CEP120: variants seen among roughly 807,000 people sequenced by gnomAD.
CEP120 encodes the protein centrosomal protein of 120 kDa.
CEP120 carries 113 observed loss-of-function variants against 126.5 expected under a neutral mutation model. The ratio of observed to expected loss-of-function variants is 0.89; its 90% CI spans 0.77 to 1.04. The LOEUF (loss-of-function observed/expected upper bound fraction) is 1.04, where lower values mean the gene tolerates loss of function less well. Among genes scored for constraint, CEP120 ranks in the 50% least tolerant of loss-of-function variants. The probability of loss-of-function intolerance (pLI) is 0.00; values close to 1 mark genes in which losing one functional copy is unlikely to be tolerated. For missense variants in CEP120, 1,230 were observed against 1,155.7 expected (o/e 1.06, Z -0.93); for synonymous variants, 400 against 394.3 (o/e 1.01, Z -0.17).
chr5:123,368,238 A>C (rs1269407911), intron 17 of CEP120, among the ~76,000 whole-genome samples: 1 of 151,974 alleles, frequency 6.6e-6, no homozygotes, highest in Non-Finnish European at 1.5e-5. Flanking sequence ...GGGATGAATA[A>C]GATAACACCT....
intron 18 of CEP120, 61 bp downstream of exon 18, chr5:123,364,435 T>A (rs902785916): frequency 1.8e-6 from 2 of 1,104,818 alleles, no homozygotes; most frequent in African/African-American, 3.2e-5. Context: ...TTGCCAAACA[T>A]ACGAATTTGC....
Position 123,393,504 on chromosome 5 carries a change from A to T in CEP120, c.613-7T>A. 6.2e-7 allele frequency: 1 copy of T among 1,610,168 alleles called. No homozygotes were observed. Among genetic ancestry groups the T allele is most frequent in the Non-Finnish European group, 8.5e-7 (1 of 1,176,936 alleles). ...TCATGGTACATGGAATTAACTAAACATTTCAGGAAAAAGAAAACAGTTATT... is the reference window on the plus strand; with the variant it reads ...TCATGGTACATGGAATTAACTAAACTTTTCAGGAAAAAGAAAACAGTTATT... On this transcript the variant is annotated splice_polypyrimidine_tract_variant and splice_region_variant and intron_variant, in intron 5 of 19. Coordinates refer to ENST00000306467, the MANE Select transcript of CEP120 (RefSeq NM_001375405.1).
intron 14 of CEP120, among the ~76,000 whole-genome samples, chr5:123,381,171 G>A (rs1290916696): frequency 1.3e-5 from 2 of 152,066 alleles, no homozygotes; most frequent in African/African-American, 4.8e-5. Flanking sequence ...TTGGGCAACA[G>A]GCAGCACAGG....
chr5:123,401,289 T>C (rs1580718813), intron 4 of CEP120: 7 of 1,608,164 alleles, frequency 4.4e-6, no homozygotes, highest in South Asian at 3.3e-5. Context: ...CTCGACAACT[T>C]GGCGTTAGCA....
At position 123,399,294 on chromosome 5, in the gene CEP120, G is replaced by C. The variant is rs1421202180; in HGVS notation, c.464-10C>G. On this transcript the variant is annotated splice_polypyrimidine_tract_variant and intron_variant, in intron 4 of 19. Coordinates refer to ENST00000306467, the MANE Select transcript of CEP120 (RefSeq NM_001375405.1). ...GCCAGGATGGCAGGTACTTTACAGA[G>C]AAAAACACGATTAAACTACATTGTA... is the stretch of plus-strand genomic sequence containing the variant. 1.2e-6 allele frequency: 2 copies of C among 1,612,092 alleles called. No individual in the cohort carries two copies. Among genetic ancestry groups the C allele is most frequent in the Non-Finnish European group, 1.7e-6 (2 of 1,179,002 alleles).
At chr5:123,406,176 G>A (rs1407286325) in intron 4 of CEP120, among the ~76,000 whole-genome samples, 1 of 70,710 alleles carries the variant, frequency 1.4e-5, no homozygotes, top group Non-Finnish European at 3.0e-5. Context: ...AAAAGACTGG[G>A]GGAAAAAAAA....
chr5:123,420,563 A>G (rs1774650874), intron 1 of CEP120, among the ~76,000 whole-genome samples: 1 of 152,208 alleles, frequency 6.6e-6, no homozygotes, highest in Admixed American at 6.5e-5. Flanking sequence ...GGTCTACCAC[A>G]AAGGGCCATG....
intron 19 of CEP120, among the ~76,000 whole-genome samples, chr5:123,348,054 G>A (rs187009069): frequency 1.4e-3 from 209 of 152,184 alleles, no homozygotes; most frequent in African/African-American, 4.6e-3. Context: ...TTCCATGAAC[G>A]TCCCTAACTG....
At chr5:123,371,563 G>A (rs1430760415) in intron 17 of CEP120, among the ~76,000 whole-genome samples, 1 of 152,026 alleles carries the variant, frequency 6.6e-6, no homozygotes, top group Non-Finnish European at 1.5e-5. Flanking sequence ...CTATATCAGT[G>A]CCCAAAGGAA....
At chr5:123,365,151 T>C (rs1358171658) in intron 17 of CEP120, among the ~76,000 whole-genome samples, 1 of 151,738 alleles carries the variant, frequency 6.6e-6, no homozygotes, top group Non-Finnish European at 1.5e-5. Flanking sequence ...ATTTTAAGAA[T>C]GTTAACATAA....
In CEP120 at chr5:123,418,443, G is replaced by A; in HGVS notation, c.122C>T (p.Thr41Ile). The change falls in exon 2 of 20, where the codon ACT (threonine) becomes ATT (isoleucine). Residue 41 changes from threonine (T) to isoleucine (I), a missense_variant. Thr to Ile is a moderately conservative substitution (Grantham distance 89). Transcript: ENST00000306467. ...CTGGTCAGTGTGGTCCACAGGATCAGTAGCCAACTGTTCTCCATCAAACTT... is the reference window on the plus strand; with the variant it reads ...CTGGTCAGTGTGGTCCACAGGATCAATAGCCAACTGTTCTCCATCAAACTT... ...EAKFDGEQLA[T>I]DPVDHTDQPE... is the part of the protein sequence containing the mutation. The A allele has an allele frequency of 2.5e-6, 4 of 1,612,768 alleles. No individual in the cohort carries two copies. The highest frequency in any genetic ancestry group is 3.4e-6 in the Non-Finnish European group (4 of 1,178,990).
intron 15 of CEP120, 129 bp downstream of exon 15, chr5:123,378,205 ATT>A (rs1771373825): frequency 1.2e-5 from 7 of 600,162 alleles, no homozygotes; most frequent in Admixed American, 3.0e-5. Flanking sequence ...TGCTTGTCTC[ATT>A]CTTATAAGCA....
intron 11 of CEP120, 38 bp downstream of exon 11, chr5:123,384,913 A>T (rs1405793027): frequency 3.9e-6 from 6 of 1,520,484 alleles, no homozygotes; most frequent in African/African-American, 2.8e-5. Context: ...CCATGAATTG[A>T]AAAGAAAAGC....
At chr5:123,368,682 G>A (rs1770640903) in intron 17 of CEP120, among the ~76,000 whole-genome samples, 1 of 151,890 alleles carries the variant, frequency 6.6e-6, no homozygotes, top group African/African-American at 2.4e-5. Flanking sequence ...GGGATATCTT[G>A]AAGACTGACT....
intron 18 of CEP120, among the ~76,000 whole-genome samples, chr5:123,354,381 T>G (rs1219004261): frequency 6.6e-6 from 1 of 152,132 alleles, no homozygotes; most frequent in Non-Finnish European, 1.5e-5. Context: ...TCTGGACTTT[T>G]TTGATGAAGT....
At chr5:123,359,680 T>C (rs748791714) in intron 18 of CEP120, among the ~76,000 whole-genome samples, 2 of 152,136 alleles carry the variant, frequency 1.3e-5, no homozygotes, top group Middle Eastern at 3.4e-3. Flanking sequence ...TCATTTTATG[T>C]TATGCTTATT....
chr5:123,366,844 ATCTGTCCTACCCGC>A (rs1351495335), intron 17 of CEP120, among the ~76,000 whole-genome samples: 19 of 151,870 alleles, frequency 1.3e-4, no homozygotes, highest in Non-Finnish European at 2.4e-4. Flanking sequence ...AAAATACAGT[ATCTGTCCTACCCGC>A]TCAACCTGCT....
chr5:123,346,404 G>T lies in CEP120; in HGVS notation c.*115C>A. The stretch of plus-strand genomic sequence containing the variant: ...ACTATACAATAACATACAAAATTTT[G>T]CTTATAAAAAATTGAAAATACCATT... On this transcript the variant is annotated 3_prime_UTR_variant, in exon 20 of 20. Transcript: ENST00000306467. 1 of 705,140 alleles carries T rather than the reference G, an allele frequency of 1.4e-6. No homozygotes were observed. Among genetic ancestry groups the T allele is most frequent in the Non-Finnish European group, 2.3e-6 (1 of 435,038 alleles). 43.7% of individuals were successfully genotyped at this position (705,140 alleles called of 1,614,324 possible).
chr5:123,413,714 G>A (rs1319152486), intron 3 of CEP120, among the ~76,000 whole-genome samples: 2 of 152,098 alleles, frequency 1.3e-5, no homozygotes, highest in Non-Finnish European at 2.9e-5. Flanking sequence ...TGTTTGATAA[G>A]TAAAATAGAA....
Sources: allele counts gnomAD v4.1 joint callset (sites outside exome capture counted in the v4.1 genomes callset), GRCh38; gene constraint gnomAD v4.1.1; transcripts MANE v1.5; gene names NCBI Gene and HGNC (gene_info 2026-07-23, HGNC 2026-07-21).